Variants in ZNF185 observed in about 807,000 individuals in gnomAD.
The protein encoded by ZNF185 is zinc finger protein 185.
ZNF185 carries 56 observed loss-of-function variants against 58.6 expected under a neutral mutation model. That is an observed-to-expected ratio of 0.95 (90% confidence interval 0.77 to 1.19). ZNF185 has a LOEUF of 1.19. Among genes scored for constraint, ZNF185 ranks in the 50% most tolerant of loss-of-function variants. ZNF185 has a pLI of 0.00. For synonymous variants in ZNF185, 230 were observed against 215.9 expected, an observed-to-expected ratio of 1.07 and a Z score of -0.57; for missense variants, 627 against 573.5, an observed-to-expected ratio of 1.09 and a Z score of -0.95.
intron 20 of ZNF185, among the ~76,000 whole-genome samples, chrX:152,968,802 A>G (rs2050379860): frequency 8.9e-6 from 1 of 112,905 alleles, no homozygotes; most frequent in South Asian, 3.6e-4. Flanking sequence ...GAAGAAAAGC[A>G]GAGGTGACTC....
chrX:152,964,575 G>C (rs1430668065), intron 18 of ZNF185, among the ~76,000 whole-genome samples: 1 of 111,940 alleles, frequency 8.9e-6, no homozygotes, highest in Non-Finnish European at 1.9e-5. Context: ...GGTGCTAGCT[G>C]TTCATGAGGG....
chrX:152,948,234 G>A (rs782470065), intron 16 of ZNF185, among the ~76,000 whole-genome samples: 1 of 111,600 alleles, frequency 9.0e-6, no homozygotes, highest in South Asian at 3.8e-4. Flanking sequence ...GGGGCAGTGG[G>A]AAAGGCTGTA....
chrX:152,915,872 G>A (rs1373245079), intron 3 of ZNF185, among the ~76,000 whole-genome samples: 2 of 112,150 alleles, frequency 1.8e-5, no homozygotes, highest in Admixed American at 9.4e-5. Flanking sequence ...CCAAACAGCC[G>A]GCAGGCGGCT....
At chrX:152,919,691 C>T (rs1939308539) in intron 7 of ZNF185, among the ~76,000 whole-genome samples, 1 of 112,542 alleles carries the variant, frequency 8.9e-6, no homozygotes, top group Admixed American at 9.3e-5. Context: ...GTTTGTTAAG[C>T]ACCTTTTGTA....
chrX:152,949,984 T>C (rs981671922), intron 16 of ZNF185, among the ~76,000 whole-genome samples: 8 of 111,235 alleles, frequency 7.2e-5, no homozygotes, highest in Non-Finnish European at 1.3e-4. Flanking sequence ...TTTTCATCAG[T>C]TGGCAAGTTT....
At chrX:152,926,194 T>A (rs1468443339) in intron 11 of ZNF185, among the ~76,000 whole-genome samples, 2 of 112,342 alleles carry the variant, frequency 1.8e-5, no homozygotes, top group East Asian at 5.6e-4. Flanking sequence ...TCAGACTGAC[T>A]GTGTGACCTT....
chrX:152,917,139 G>A (rs987361510), exon 4 of ZNF185: 10 of 1,209,966 alleles, frequency 8.3e-6, no homozygotes, highest in Non-Finnish European at 1.1e-5. Context: ...AGGCCTCCGA[G>A]CACAAGGGCT....
Position 152,927,974 on chromosome X carries a change from G to T in ZNF185, c.831-601G>T, listed in dbSNP as rs139565926. On this transcript the variant is annotated intron_variant, in intron 11 of 22. Coordinates refer to ENST00000449285, the Ensembl canonical transcript of ZNF185. ...TGGCCACACCATGGCCAAGCCTGCT[G>T]GGCGTCATGCCTTGCAGTACGGCCA... is the stretch of plus-strand genomic sequence containing the variant. Among the ~76,000 whole-genome samples the T allele has an allele frequency of 7.3e-3, 819 of 112,850 alleles. 9 individuals are homozygous for T. The highest frequency in any genetic ancestry group is 0.025 in the African/African-American group (767 of 31,065).
At chrX:152,927,743 C>T (rs781967554) in intron 11 of ZNF185, among the ~76,000 whole-genome samples, 19 of 112,540 alleles carry the variant, frequency 1.7e-4, no homozygotes, top group African/African-American at 5.2e-4. Flanking sequence ...GCCTCTCTGC[C>T]CCTGCCTGAC....
chrX:152,932,466 G>T (rs1216079118), intron 13 of ZNF185, among the ~76,000 whole-genome samples: 5 of 112,064 alleles, frequency 4.5e-5, no homozygotes, highest in African/African-American at 1.6e-4. Flanking sequence ...GAACCTGGTA[G>T]CCAGTTACAG....
the ZNF185 span, among the ~76,000 whole-genome samples, chrX:152,904,556 T>A: frequency 8.9e-6 from 1 of 112,504 alleles, no homozygotes; most frequent in Non-Finnish European, 1.9e-5. Flanking sequence ...TCCAACCCTT[T>A]TGGTCCAGAA....
intron 16 of ZNF185, among the ~76,000 whole-genome samples, chrX:152,958,927 C>T (rs2049148726): frequency 8.9e-6 from 1 of 112,204 alleles, no homozygotes; most frequent in Non-Finnish European, 1.9e-5. Context: ...AGTACGCCTG[C>T]GCGTGCCGCC....
intron 14 of ZNF185, among the ~76,000 whole-genome samples, chrX:152,936,990 C>T (rs1438729325): frequency 4.5e-5 from 5 of 111,897 alleles, no homozygotes; most frequent in African/African-American, 1.6e-4. Context: ...TGGGAAGAAG[C>T]TGTGCATTCC....
exon 15 of ZNF185, chrX:152,938,089 A>C (rs1556884082): frequency 8.5e-7 from 1 of 1,178,666 alleles, no homozygotes; most frequent in Non-Finnish European, 1.1e-6. Context: ...GTGCCACTTC[A>C]GTCTCTGCTG....
chrX:152,947,242 G>A (rs2047873050), intron 16 of ZNF185, among the ~76,000 whole-genome samples: 1 of 111,043 alleles, frequency 9.0e-6, no homozygotes, highest in Admixed American at 9.5e-5. Context: ...CATTAGCCAG[G>A]TGTGGTGGCA....
intron 9 of ZNF185, among the ~76,000 whole-genome samples, chrX:152,921,625 T>G (rs1028041590): frequency 1.8e-5 from 2 of 111,471 alleles, no homozygotes; most frequent in Non-Finnish European, 3.8e-5. Flanking sequence ...AAAGGGATTC[T>G]CTCCCGGTTC....
intron 10 of ZNF185, 70 bp downstream of exon 11, chrX:152,922,326 C>A (rs1939901456): frequency 9.8e-7 from 1 of 1,024,852 alleles, no homozygotes; most frequent in Admixed American, 2.7e-5. Flanking sequence ...ACTGAGGAAC[C>A]TCAGTCAGGG....
intron 4 of ZNF185, 40 bp from the exon 6 acceptor site, chrX:152,917,245 C>A (rs1556866475): frequency 8.3e-7 from 1 of 1,209,499 alleles, no homozygotes; most frequent in Non-Finnish European, 1.1e-6. Flanking sequence ...CCTCCAGTCC[C>A]TCCAGGGAGC....
exon 5 of ZNF185, chrX:152,917,297 C>A (rs782424663): frequency 1.2e-5 from 15 of 1,211,728 alleles, no homozygotes; most frequent in Non-Finnish European, 1.5e-5. Context: ...GAGTGTTCAC[C>A]AAGCCCATAG....
Sources: allele counts gnomAD v4.1 joint callset (sites outside exome capture counted in the v4.1 genomes callset), GRCh38; gene constraint gnomAD v4.1.1; transcripts MANE v1.5; gene names NCBI Gene and HGNC (gene_info 2026-07-23, HGNC 2026-07-21).